The following HS6ST2 variants were observed in gnomAD, a reference collection of about 807,000 sequenced individuals.
HS6ST2 encodes heparan-sulfate 6-O-sulfotransferase 2.
In HS6ST2, 17 loss-of-function variants were observed where a neutral mutation model predicts 33.0. That is an observed-to-expected ratio of 0.52 (90% CI 0.35 to 0.77). HS6ST2 has a LOEUF of 0.77. Among genes scored for constraint, HS6ST2 ranks in the 30% least tolerant of loss-of-function variants. HS6ST2 has a pLI of 0.01. For missense variants in HS6ST2, 519 were observed against 551.7 expected, an observed-to-expected ratio of 0.94 and a Z score of 0.59; for synonymous variants, 248 against 237.1, an observed-to-expected ratio of 1.05 and a Z score of -0.42.
intron 2 of HS6ST2, among the ~76,000 whole-genome samples, chrX:132,937,895 A>T (rs1164709015): frequency 1.8e-5 from 2 of 110,881 alleles, no homozygotes; most frequent in Non-Finnish European, 3.8e-5. Context: ...GGGTGTGGTG[A>T]CTCACACCTG....
intron 2 of HS6ST2, among the ~76,000 whole-genome samples, chrX:132,755,828 T>TA (rs1436231691): frequency 2.7e-5 from 3 of 112,111 alleles, no homozygotes; most frequent in African/African-American, 9.7e-5. Context: ...ACTTCTCTTT[T>TA]AAAAAATCAT....
chrX:132,937,742 A>G (rs1210169217), intron 2 of HS6ST2, among the ~76,000 whole-genome samples: 1 of 111,864 alleles, frequency 8.9e-6, no homozygotes, highest in Non-Finnish European at 1.9e-5. Flanking sequence ...TGAAAATACT[A>G]GAAGAAAATC....
At chrX:132,673,609 G>A in intron 3 of HS6ST2, among the ~76,000 whole-genome samples, 1 of 111,785 alleles carries the variant, frequency 8.9e-6, no homozygotes, top group Non-Finnish European at 1.9e-5. Flanking sequence ...TATTGTTGAG[G>A]GTTTGTTTCA....
intron 2 of HS6ST2, among the ~76,000 whole-genome samples, chrX:132,845,884 G>A (rs185735632): frequency 7.2e-5 from 8 of 111,444 alleles, no homozygotes; most frequent in Non-Finnish European, 1.3e-4. Context: ...ACAAAATGAA[G>A]GGTCTTTTAC....
At chrX:132,829,199 T>TATATATATATATATATATACAC (rs55664940) in intron 2 of HS6ST2, among the ~76,000 whole-genome samples, 5,122 of 71,940 alleles carry the variant, frequency 0.071, 504 homozygotes, top group African/African-American at 0.15. Context: ...TATATATATA[T>TATATATATATATATATATACAC]ACATACTTAT....
Position 132,958,252 on chromosome X carries a change from C to G in HS6ST2, c.351G>C (p.Arg117=). 3.4e-6 allele frequency: 4 copies of G among 1,187,819 alleles called. No individual in the cohort carries two copies. The highest frequency in any genetic ancestry group is 4.5e-6 in the Non-Finnish European group (4 of 888,894). Residue 117 remains arginine (R), a synonymous_variant, in exon 1 of 5, where the codon CGG becomes CGC. Transcript: ENST00000370833. ...GCGAGTGGCCCAGGGCGGCCAGGCC[C>G]CGAGTGAGCAGGGCCCGGCAGAGGG... ...LGSLCRALLT[R]GLAALGHSLK...
intron 2 of HS6ST2, among the ~76,000 whole-genome samples, chrX:132,833,299 G>A (rs1233128127): frequency 9.0e-6 from 1 of 111,567 alleles, no homozygotes; most frequent in Non-Finnish European, 1.9e-5. Flanking sequence ...TCATTGGAAT[G>A]TGAGTGCCAG....
intron 2 of HS6ST2, among the ~76,000 whole-genome samples, chrX:132,880,722 C>T (rs1315954995): frequency 9.4e-6 from 1 of 106,759 alleles, no homozygotes; most frequent in Non-Finnish European, 1.9e-5. Context: ...TGGTGTGCTG[C>T]ACCCATTAAC....
chrX:132,639,717 CT>C (rs2063587960), intron 4 of HS6ST2, among the ~76,000 whole-genome samples: 2 of 111,922 alleles, frequency 1.8e-5, no homozygotes, highest in African/African-American at 6.5e-5. Context: ...GGGGTTGGTT[CT>C]CTTCCTTCTC....
chrX:132,710,919 C>G (rs1262231939), intron 2 of HS6ST2, among the ~76,000 whole-genome samples: 1 of 111,582 alleles, frequency 9.0e-6, no homozygotes, highest in Admixed American at 9.5e-5. Flanking sequence ...AACAGCTGGC[C>G]TGGCTGACAC....
intron 4 of HS6ST2, among the ~76,000 whole-genome samples, chrX:132,658,077 C>T (rs1400147051): frequency 9.0e-6 from 1 of 110,597 alleles, no homozygotes; most frequent in Non-Finnish European, 1.9e-5. Flanking sequence ...TAATTATGGT[C>T]TTTGATGCCA....
intron 2 of HS6ST2, among the ~76,000 whole-genome samples, chrX:132,882,466 C>G (rs949386585): frequency 3.8e-5 from 4 of 104,649 alleles, no homozygotes; most frequent in African/African-American, 1.4e-4. Context: ...GATTTTTGCA[C>G]ATTGATTTTG....
intron 2 of HS6ST2, among the ~76,000 whole-genome samples, chrX:132,927,404 G>T (rs1220419538): frequency 9.0e-6 from 1 of 111,684 alleles, no homozygotes; most frequent in East Asian, 2.8e-4. Flanking sequence ...TACTTAAAAA[G>T]TCCCAATGCC....
chrX:132,886,049 T>C (rs1353617045), intron 2 of HS6ST2, among the ~76,000 whole-genome samples: 1 of 111,436 alleles, frequency 9.0e-6, no homozygotes, highest in Admixed American at 9.6e-5. Flanking sequence ...AACAGAAAAG[T>C]GAGATGTGCT....
intron 2 of HS6ST2, among the ~76,000 whole-genome samples, chrX:132,895,584 G>A (rs753191287): frequency 2.5e-4 from 28 of 111,435 alleles, no homozygotes; most frequent in South Asian, 7.6e-4. Flanking sequence ...TGCTTTATGC[G>A]TGTCAGGCAT....
intron 2 of HS6ST2, among the ~76,000 whole-genome samples, chrX:132,831,578 C>A (rs1036514418): frequency 9.0e-6 from 1 of 111,508 alleles, no homozygotes; most frequent in African/African-American, 3.3e-5. Context: ...TTCTCAGAAC[C>A]GAGATACTTT....
At chrX:132,815,722 T>C (rs934145465) in intron 2 of HS6ST2, among the ~76,000 whole-genome samples, 1 of 111,765 alleles carries the variant, frequency 8.9e-6, no homozygotes, top group Non-Finnish European at 1.9e-5. Flanking sequence ...TACGATGCTA[T>C]GATAAGTACG....
At chrX:132,729,800 T>C (rs2064438642) in intron 2 of HS6ST2, among the ~76,000 whole-genome samples, 1 of 103,982 alleles carries the variant, frequency 9.6e-6, no homozygotes, top group African/African-American at 3.6e-5. Flanking sequence ...TCAATATCAA[T>C]AGATAAATCC....
chrX:132,874,071 A>G (rs769989587), intron 2 of HS6ST2, among the ~76,000 whole-genome samples: 1 of 111,225 alleles, frequency 9.0e-6, no homozygotes, highest in Non-Finnish European at 1.9e-5. Flanking sequence ...CGCGAGGTCT[A>G]TCGATAACCC....
Sources: gnomAD v4.1 joint callset for allele counts (sites outside exome capture counted in the v4.1 genomes callset) on GRCh38, gnomAD v4.1.1 for gene constraint, MANE v1.5 for transcripts, NCBI Gene and HGNC (gene_info 2026-07-23, HGNC 2026-07-21) for gene names.